PAK6: variants seen among roughly 807,000 people sequenced by gnomAD.
PAK6 encodes p21 (RAC1) activated kinase 6.
A neutral mutation model predicts 60.8 loss-of-function variants in PAK6; 33 were observed. That is an observed-to-expected ratio of 0.54 (90% confidence interval 0.41 to 0.73). PAK6 has a LOEUF of 0.73. Among genes scored for constraint, PAK6 ranks in the 30% least tolerant of loss-of-function variants. The probability of loss-of-function intolerance (pLI) is 0.00; values close to 1 mark genes in which losing one functional copy is unlikely to be tolerated. For missense variants in PAK6, 845 were observed against 904.1 expected (o/e 0.93, Z 0.84); for synonymous variants, 404 against 378.5 (o/e 1.07, Z -0.78).
At position 40,265,002 on chromosome 15, in the gene PAK6, G is replaced by T. The variant is rs369966703; in HGVS notation, c.204+13G>T. 6.2e-7 allele frequency: 1 copy of T among 1,610,078 alleles called. No homozygotes were observed. The highest frequency in any genetic ancestry group is 8.5e-7 in the Non-Finnish European group (1 of 1,178,166). Reference sequence around the variant, plus strand: ...CCAGCCCATGAAGGTAAGAGGGGCCGGCAGGGATGAGGTTCAGCCTCTCCC... The same window carrying T: ...CCAGCCCATGAAGGTAAGAGGGGCCTGCAGGGATGAGGTTCAGCCTCTCCC... On this transcript the variant is annotated intron_variant, in intron 4 of 10. Transcript: ENST00000560346.
chr15:40,266,252 A>G, exon 5 of PAK6: 1 of 1,610,634 alleles, frequency 6.2e-7, no homozygotes, highest in Non-Finnish European at 8.5e-7. Flanking sequence ...CCCCACCAGG[A>G]GCCTCGCCCC....
chr15:40,265,553 G>A (rs1350405015), intron 4 of PAK6, among the ~76,000 whole-genome samples: 1 of 152,066 alleles, frequency 6.6e-6, no homozygotes, highest in Non-Finnish European at 1.5e-5. Context: ...CCAGCTCCCT[G>A]GCCCAGCCGA....
exon 1 of PAK6, chr15:40,239,767 G>A (rs2038264867): frequency 6.5e-6 from 1 of 153,498 alleles, no homozygotes; most frequent in Non-Finnish European, 1.4e-5. Flanking sequence ...GGCATTTGGA[G>A]AGCGAGGCTG....
chr15:40,272,632 T>G, exon 6 of PAK6: 6 of 1,610,328 alleles, frequency 3.7e-6, no homozygotes, highest in Non-Finnish European at 5.1e-6. Flanking sequence ...CATCGTCTGC[T>G]TGGCCCGGGA....
rs188981352 is a variant in PAK6, at chr15:40,273,292, G to A, written c.1491-54G>A. 1.1e-3 allele frequency: 1,782 copies of A among 1,590,396 alleles called. 6 individuals are homozygous for A. The highest frequency in any genetic ancestry group is 1.3e-3 in the Non-Finnish European group (1,463 of 1,167,766). ...CTCCTACTCTGCTCAGCCACCCCAC[G>A]ACCTGCCAGAGCTAACGTTCTCTTT... On this transcript the variant is annotated intron_variant, in intron 7 of 10. Coordinates refer to ENST00000560346, the Ensembl canonical transcript of PAK6.
rs2039111881 is a variant in PAK6, at chr15:40,265,822, C to CT, written c.205-16dup. The stretch of plus-strand genomic sequence containing the variant: ...CACAATTGGGCAGCTCCCACACACT[C>CT]TTTTCTCTTCCCCCTACAGACAGTG... On this transcript the variant is annotated intron_variant, in intron 4 of 10. Transcript: ENST00000560346. The CT allele has an allele frequency of 6.6e-7, 1 of 1,506,364 alleles. No homozygotes were observed. Among genetic ancestry groups the CT allele is most frequent in the African/African-American group, 1.4e-5 (1 of 71,474 alleles). 93.3% of individuals were successfully genotyped at this position (1,506,364 alleles called of 1,614,324 possible). A position where few individuals can be genotyped will look rare whatever the true frequency, so the allele number is the denominator to read the frequency against.
exon 11 of PAK6, chr15:40,276,136 G>A (rs746236323): frequency 3.2e-6 from 5 of 1,581,264 alleles, no homozygotes; most frequent in Non-Finnish European, 3.5e-6. Flanking sequence ...CACAGGCAGG[G>A]CACACTGGGC....
intron 2 of PAK6, among the ~76,000 whole-genome samples, chr15:40,241,168 C>A (rs912133781): frequency 6.6e-6 from 1 of 152,196 alleles, no homozygotes; most frequent in Non-Finnish European, 1.5e-5. Context: ...TCCTCACAGG[C>A]CTTGGTCTCC....
chr15:40,250,179 C>A (rs1027101889), intron 2 of PAK6, among the ~76,000 whole-genome samples: 4 of 152,082 alleles, frequency 2.6e-5, no homozygotes, highest in African/African-American at 9.7e-5. Context: ...GAGCTGGGCA[C>A]GGATCAGAGG....
exon 5 of PAK6, chr15:40,266,157 G>C (rs764300808): frequency 1.9e-6 from 3 of 1,608,916 alleles, no homozygotes; most frequent in Admixed American, 3.3e-5. Flanking sequence ...CAATGGGCTG[G>C]CTGCAAAGGC....
intron 2 of PAK6, among the ~76,000 whole-genome samples, chr15:40,249,819 G>A (rs532139955): frequency 1.2e-4 from 19 of 152,328 alleles, no homozygotes; most frequent in Admixed American, 4.6e-4. Flanking sequence ...TGCCCCACCC[G>A]ATGTGCCCAC....
chr15:40,263,034 G>A (rs1240327570), intron 3 of PAK6, among the ~76,000 whole-genome samples: 1 of 152,220 alleles, frequency 6.6e-6, no homozygotes, highest in Non-Finnish European at 1.5e-5. Context: ...AAGCATGGCT[G>A]ACATTGAGAT....
intron 3 of PAK6, chr15:40,258,435 TTGAGCCTCATC>T (rs2038895834): frequency 6.6e-6 from 1 of 152,282 alleles, no homozygotes; most frequent in Non-Finnish European, 1.5e-5. Context: ...TTGAACCTCT[TTGAGCCTCATC>T]TGGATTTGTG....
chr15:40,255,244 CTGAA>C (rs528842982), intron 3 of PAK6, among the ~76,000 whole-genome samples: 17 of 152,194 alleles, frequency 1.1e-4, no homozygotes, highest in Non-Finnish European at 2.4e-4. Flanking sequence ...ACACAAGTGA[CTGAA>C]TGAGCTGTAT....
intron 5 of PAK6, among the ~76,000 whole-genome samples, chr15:40,271,696 C>T (rs563361779): frequency 6.6e-6 from 1 of 152,032 alleles, no homozygotes; most frequent in Non-Finnish European, 1.5e-5. Context: ...TATCGGGCCC[C>T]AGGTGTGGCT....
At chr15:40,266,549 C>A in intron 5 of PAK6, 54 bp downstream of exon 5, 4 of 1,472,818 alleles carry the variant, frequency 2.7e-6, no homozygotes, top group South Asian at 2.7e-5. Flanking sequence ...TGTAGGGACA[C>A]AGGCCTTGCC....
exon 11 of PAK6, chr15:40,276,010 C>A (rs1291888741): frequency 6.2e-7 from 1 of 1,613,572 alleles, no homozygotes. Context: ...AGCTCCTAGA[C>A]CACCCCTTCC....
In PAK6 at chr15:40,272,732, A is replaced by AG; in HGVS notation, c.1356+14dup. ...CTGCTCTTCAACGAGGTGGGAGGAC[A>AG]GGGTGGGACACAGACGGGGGCGTTG... is the stretch of plus-strand genomic sequence containing the variant. On this transcript the variant is annotated intron_variant, in intron 6 of 10. Coordinates refer to ENST00000560346, the Ensembl canonical transcript of PAK6. 1.9e-6 allele frequency: 3 copies of AG among 1,581,604 alleles called. No homozygotes were observed. Among genetic ancestry groups the AG allele is most frequent in the Non-Finnish European group, 2.6e-6 (3 of 1,164,874 alleles).
chr15:40,252,901 G>C (rs1302875190), intron 2 of PAK6: 1 of 1,206,432 alleles, frequency 8.3e-7, no homozygotes, highest in African/African-American at 1.7e-5. Flanking sequence ...GCGTCCCCGA[G>C]AGGGCGCAGC....
Sources: gnomAD v4.1 joint callset for allele counts (sites outside exome capture counted in the v4.1 genomes callset) on GRCh38, gnomAD v4.1.1 for gene constraint, MANE v1.5 for transcripts, NCBI Gene and HGNC (gene_info 2026-07-23, HGNC 2026-07-21) for gene names.